RNF2: variants seen among roughly 807,000 people sequenced by gnomAD.
The protein encoded by RNF2 is E3 ubiquitin-protein ligase RING2.
In RNF2, 6 loss-of-function variants were observed where a neutral mutation model predicts 37.2. That is an observed-to-expected ratio of 0.16 (90% confidence interval 0.09 to 0.32). The LOEUF (loss-of-function observed/expected upper bound fraction) is 0.32, where lower values mean the gene tolerates loss of function less well. Ranked by LOEUF, RNF2 falls within the 10% of genes least tolerant of loss-of-function variation. RNF2 has a pLI of 1.00. For missense variants in RNF2, 251 were observed against 404.0 expected (o/e 0.62, Z 3.25); for synonymous variants, 133 against 132.7 (o/e 1.00, Z -0.02).
At chr1:185,058,772 A>G (rs1470569533) in intron 1 of RNF2, among the ~76,000 whole-genome samples, 1 of 152,204 alleles carries the variant, frequency 6.6e-6, no homozygotes, top group East Asian at 1.9e-4. Context: ...GCATTTCGGT[A>G]TATGTATTTT....
At chr1:185,086,039 C>T (rs868828953) in intron 1 of RNF2, among the ~76,000 whole-genome samples, 3 of 152,154 alleles carry the variant, frequency 2.0e-5, no homozygotes, top group Non-Finnish European at 4.4e-5. Flanking sequence ...TTTTATACTT[C>T]CATTCCACTG....
At chr1:185,068,945 C>G (rs1650880876) in intron 1 of RNF2, among the ~76,000 whole-genome samples, 1 of 152,144 alleles carries the variant, frequency 6.6e-6, no homozygotes, top group African/African-American at 2.4e-5. Flanking sequence ...AGGTGCAGAA[C>G]TCTTGACAGT....
intron 1 of RNF2, among the ~76,000 whole-genome samples, chr1:185,072,258 AT>A (rs1052647033): frequency 3.9e-5 from 6 of 151,934 alleles, no homozygotes; most frequent in African/African-American, 1.5e-4. Flanking sequence ...GTTTTTGGTT[AT>A]TTTTTTAGGC....
At chr1:185,049,651 G>A (rs1478904361) in intron 1 of RNF2, among the ~76,000 whole-genome samples, 4 of 150,602 alleles carry the variant, frequency 2.7e-5, no homozygotes, top group African/African-American at 9.8e-5. Flanking sequence ...TTTAATATAG[G>A]GAGTTGGTTA....
At chr1:185,049,214 C>T (rs924594961) in intron 1 of RNF2, among the ~76,000 whole-genome samples, 1 of 151,800 alleles carries the variant, frequency 6.6e-6, no homozygotes, top group Non-Finnish European at 1.5e-5. Context: ...GAGACTCTGC[C>T]TCAAAAAAAA....
rs1046031432 is a variant in RNF2, at chr1:185,063,833, G to A, written c.-3+18184G>A. ...GGCCAGCTTCCCAGTGTCTTAGATTGCTCTCTTGGACTACTACCCTGGCCT... is the reference window on the plus strand; with the variant it reads ...GGCCAGCTTCCCAGTGTCTTAGATTACTCTCTTGGACTACTACCCTGGCCT... On this transcript the variant is annotated intron_variant, in intron 1 of 6. Coordinates refer to ENST00000367510, the MANE Select transcript of RNF2 (RefSeq NM_007212.4). Among the ~76,000 whole-genome samples the A allele has an allele frequency of 5.3e-5, 8 of 152,274 alleles. No individual in the cohort carries two copies. In the East Asian group the frequency reaches 1.5e-3, roughly 29 times the overall value.
intron 1 of RNF2, among the ~76,000 whole-genome samples, chr1:185,075,875 A>G (rs181580742): frequency 6.6e-6 from 1 of 152,310 alleles, no homozygotes; most frequent in East Asian, 1.9e-4. Flanking sequence ...AGTCATCTTA[A>G]TCTTTGTCAA....
At chr1:185,087,700 A>G in intron 2 of RNF2, 60 bp downstream of exon 2, 1 of 1,252,884 alleles carries the variant, frequency 8.0e-7, no homozygotes. Context: ...ATACATTTTT[A>G]GAACATGAAA....
intron 1 of RNF2, among the ~76,000 whole-genome samples, chr1:185,083,649 T>G (rs933174324): frequency 2.0e-5 from 3 of 151,990 alleles, no homozygotes; most frequent in African/African-American, 7.3e-5. Context: ...TGTATTTTTG[T>G]TTTTTGGAGA....
intron 4 of RNF2, among the ~76,000 whole-genome samples, chr1:185,093,524 G>A (rs1651828263): frequency 1.3e-5 from 2 of 152,056 alleles, no homozygotes; most frequent in Non-Finnish European, 2.9e-5. Flanking sequence ...TTCCTTGAAA[G>A]AGTTGTAACT....
In RNF2 at chr1:185,045,648, C is replaced by CGGTGAGTGGGGCG. The variant is rs1443395890; in HGVS notation, c.-3+2_-3+14dup. The CGGTGAGTGGGGCG allele has an allele frequency of 6.6e-6, 1 of 152,132 alleles. No homozygotes were observed. The highest frequency in any genetic ancestry group is 1.5e-5 in the Non-Finnish European group (1 of 68,196). 9.4% of individuals were successfully genotyped at this position (152,132 alleles called of 1,614,324 possible). ...CGGAGCCCTGGGCTGGGGCAGGAGC[C>CGGTGAGTGGGGCG]GGTGAGTGGGGCGGGCGGGGAGGCG... On this transcript the variant is annotated splice_region_variant and 5_prime_UTR_variant, in exon 1 of 7. Transcript: ENST00000367510.
At chr1:185,096,561 GTTT>G (rs914017823) in intron 4 of RNF2, among the ~76,000 whole-genome samples, 18 of 146,656 alleles carry the variant, frequency 1.2e-4, no homozygotes, top group African/African-American at 4.2e-4. Context: ...TACTTTTGGG[GTTT>G]TTTTTTTGTT....
chr1:185,095,570 C>T (rs1256694154), intron 4 of RNF2, among the ~76,000 whole-genome samples: 6 of 152,172 alleles, frequency 3.9e-5, no homozygotes, highest in African/African-American at 1.4e-4. Flanking sequence ...ATTATGACCC[C>T]TAAGAGGGAA....
rs1652095088 is a variant in RNF2 at position 185,102,106 on chromosome 1, GC to G, written c.*1806del. The G allele has an allele frequency of 6.6e-6, 1 of 152,470 alleles. No homozygotes were observed. Among genetic ancestry groups the G allele is most frequent in the South Asian group, 2.1e-4 (1 of 4,828 alleles). 9.4% of individuals were successfully genotyped at this position (152,470 alleles called of 1,614,324 possible). On this transcript the variant is annotated 3_prime_UTR_variant, in exon 7 of 7. Transcript: ENST00000367510. ...AGCAGAGAGTTATTTGTGACTATAA[GC>G]TTTGTGCTTAGAGAATGTATGTGTT...
chr1:185,046,023 C>T (rs966944787), intron 1 of RNF2: 5 of 152,240 alleles, frequency 3.3e-5, no homozygotes, highest in Admixed American at 2.6e-4. Flanking sequence ...GCCCCAGCCT[C>T]TCTGCAGCCC....
intron 1 of RNF2, among the ~76,000 whole-genome samples, chr1:185,084,137 T>C (rs1260910153): frequency 6.6e-6 from 1 of 151,996 alleles, no homozygotes; most frequent in East Asian, 1.9e-4. Context: ...GGAGATGGCT[T>C]CTTGCTATGT....
intron 1 of RNF2, among the ~76,000 whole-genome samples, chr1:185,048,327 C>T (rs1650175173): frequency 6.6e-6 from 1 of 152,094 alleles, no homozygotes; most frequent in East Asian, 1.9e-4. Flanking sequence ...CTTTGCTTTA[C>T]GGTTTTTAGA....
chr1:185,059,057 G>A (rs954886830), intron 1 of RNF2, among the ~76,000 whole-genome samples: 4 of 151,996 alleles, frequency 2.6e-5, no homozygotes, highest in South Asian at 4.1e-4. Context: ...CTTTCTTTCA[G>A]CCTTTGAAAC....
At chr1:185,084,513 C>G (rs150695049) in intron 1 of RNF2, among the ~76,000 whole-genome samples, 1 of 152,180 alleles carries the variant, frequency 6.6e-6, no homozygotes, top group Non-Finnish European at 1.5e-5. Context: ...CCCCTTCTTA[C>G]TTTTGCAAGA....
Sources: allele counts gnomAD v4.1 joint callset (sites outside exome capture counted in the v4.1 genomes callset), GRCh38; gene constraint gnomAD v4.1.1; transcripts MANE v1.5; gene names NCBI Gene and HGNC (gene_info 2026-07-23, HGNC 2026-07-21).